Variants in ABL2 observed in about 807,000 individuals in gnomAD.
The protein encoded by ABL2 is tyrosine-protein kinase ABL2.
A neutral mutation model predicts 107.7 loss-of-function variants in ABL2; 49 were observed. That is an observed-to-expected ratio of 0.45 (90% CI 0.36 to 0.58). The LOEUF (loss-of-function observed/expected upper bound fraction) is 0.58, where lower values mean the gene tolerates loss of function less well. Ranked by LOEUF, ABL2 falls within the 20% of genes least tolerant of loss-of-function variation. The pLI, the probability that ABL2 is intolerant of heterozygous loss-of-function variation, is 0.00. For synonymous variants in ABL2, 549 were observed against 548.6 expected (o/e 1.00, Z -0.01); for missense variants, 1,245 against 1,457.0 (o/e 0.85, Z 2.37).
chr1:179,183,904 C>A, intron 1 of ABL2: 1 of 252,304 alleles, frequency 4.0e-6, no homozygotes. Context: ...ACCTCCTGTT[C>A]TGAGACTGGA....
Position 179,109,400 on chromosome 1 carries a change from G to A in ABL2, c.1867C>T (p.Leu623=). 6.2e-7 allele frequency: 1 copy of A among 1,614,054 alleles called. No individual in the cohort carries two copies. The highest frequency in any genetic ancestry group is 1.7e-5 in the Admixed American group (1 of 60,012). ...GAQASSGSPA[L]PRKQRDKSPS... ...GACTTGTCTCTTTGCTTTCGAGGCA[G>A]TGCTGGGGATCCACTAGAGGCCTGT... Residue 623 remains leucine, a synonymous_variant, in exon 12 of 12, where the codon CTG becomes TTG. Coordinates refer to ENST00000502732, the MANE Select transcript of ABL2 (RefSeq NM_007314.4).
chr1:179,204,176 G>A lies in ABL2; in HGVS notation c.157+25065C>T, dbSNP rs570645173. Among the ~76,000 whole-genome samples, 6 of 151,994 alleles carry A rather than the reference G, an allele frequency of 3.9e-5. No homozygotes were observed. The East Asian group carries it at 7.8e-4, about 20-fold the overall frequency. ...CGAGTAGCTGGGATTACAGGTGGGC[G>A]CCATCACGCCCAGCTAATTTTTGTA... On this transcript the variant is annotated intron_variant, in intron 1 of 11. Coordinates refer to ENST00000502732, the MANE Select transcript of ABL2 (RefSeq NM_007314.4).
rs1655781343 is a variant in ABL2, at chr1:179,126,975, A to G, written c.392-303T>C. On this transcript the variant is annotated intron_variant, in intron 3 of 11. Transcript: ENST00000502732. The surrounding 1 kb of genome is among the most constrained non-coding windows in gnomAD (Gnocchi z 4.4). ...TTAAGAAATTCTATGTATGCCAGACAGGTTACTAAAATGGCTGGAAAAGGA... is the reference window on the plus strand; with the variant it reads ...TTAAGAAATTCTATGTATGCCAGACGGGTTACTAAAATGGCTGGAAAAGGA... 6.6e-6 allele frequency among the ~76,000 whole-genome samples: 1 copy of G among 152,210 alleles called. No homozygotes were observed. The highest frequency in any genetic ancestry group is 2.4e-5 in the African/African-American group (1 of 41,446).
chr1:179,149,529 T>C (rs773068065), intron 1 of ABL2, among the ~76,000 whole-genome samples: 2 of 152,226 alleles, frequency 1.3e-5, no homozygotes, highest in African/African-American at 2.4e-5. Flanking sequence ...CATCTAGGAC[T>C]TTCATAGCTA....
chr1:179,182,385 T>A (rs1660429983), intron 1 of ABL2, among the ~76,000 whole-genome samples: 1 of 152,180 alleles, frequency 6.6e-6, no homozygotes, highest in Non-Finnish European at 1.5e-5. Flanking sequence ...ACTGTATTTC[T>A]CTAGTCCATT....
intron 6 of ABL2, among the ~76,000 whole-genome samples, chr1:179,119,824 G>A (rs890129756): frequency 6.6e-6 from 1 of 152,174 alleles, no homozygotes; most frequent in African/African-American, 2.4e-5. Context: ...GGGGCAATTA[G>A]TACAAACTGA....
rs1660873092 is a variant in ABL2 at position 179,189,436 on chromosome 1, G to C, written c.157+39805C>G. On this transcript the variant is annotated intron_variant, in intron 1 of 11. Transcript: ENST00000502732. ...GGCATGAGCCACCGCGCCCTGCCCT[G>C]TTCTAGGGTATTTTAATAAGACTCT... is the stretch of plus-strand genomic sequence containing the variant. 2.0e-5 allele frequency among the ~76,000 whole-genome samples: 3 copies of C among 151,996 alleles called. No homozygotes were observed. In the South Asian group the frequency reaches 6.2e-4, roughly 32 times the overall value.
At chr1:179,207,968 T>C (rs1012865093) in intron 1 of ABL2, among the ~76,000 whole-genome samples, 2 of 151,034 alleles carry the variant, frequency 1.3e-5, no homozygotes, top group Admixed American at 1.3e-4. Context: ...TTAAATATCC[T>C]TTTTTTTTGA....
chr1:179,121,994 C>G, intron 4 of ABL2, 127 bp from the exon 5 acceptor site: 1 of 909,630 alleles, frequency 1.1e-6, no homozygotes, highest in Non-Finnish European at 1.6e-6. Flanking sequence ...GGCGCGATCT[C>G]GGCTCACTGC....
chr1:179,129,798 C>A (rs1572658247), intron 3 of ABL2, among the ~76,000 whole-genome samples: 1 of 152,106 alleles, frequency 6.6e-6, no homozygotes, highest in East Asian at 1.9e-4. Flanking sequence ...ATCATCCTGT[C>A]CCCAAAACTA....
intron 1 of ABL2, among the ~76,000 whole-genome samples, chr1:179,141,375 T>C (rs1657575500): frequency 6.6e-6 from 1 of 152,088 alleles, no homozygotes; most frequent in African/African-American, 2.4e-5. Context: ...GACATGTTTA[T>C]AATAAGGGGA....
chr1:179,176,549 C>CATAAAA (rs1370389442), intron 1 of ABL2, among the ~76,000 whole-genome samples: 1 of 152,008 alleles, frequency 6.6e-6, no homozygotes, highest in Non-Finnish European at 1.5e-5. Context: ...TAACTATATG[C>CATAAAA]ATAAAAGGCT....
chr1:179,205,235 C>G (rs960906277), intron 1 of ABL2, among the ~76,000 whole-genome samples: 2 of 152,072 alleles, frequency 1.3e-5, no homozygotes, highest in African/African-American at 2.4e-5. Flanking sequence ...CCATGTTGGT[C>G]AGGCTGGTCT....
At position 179,104,892 on chromosome 1, in the gene ABL2, TTC is replaced by T. The variant is rs1653369919; in HGVS notation, c.*2824_*2825del. On this transcript the variant is annotated 3_prime_UTR_variant, in exon 12 of 12. Coordinates refer to ENST00000502732, the MANE Select transcript of ABL2 (RefSeq NM_007314.4). ...TTAAACTACACTTTTCCAGAAGCAG[TTC>T]TCTCTGCTTTGGATTCAAACCTTTT... 1 of 220,248 alleles carries T rather than the reference TTC, an allele frequency of 4.5e-6. No individual in the cohort carries two copies. Among genetic ancestry groups the T allele is most frequent in the Non-Finnish European group, 9.1e-6 (1 of 109,980 alleles). The allele number at this position is 220,248 out of a possible 1,614,324, so 13.6% of individuals were successfully genotyped here.
At chr1:179,135,616 C>T (rs868031607) in intron 1 of ABL2, among the ~76,000 whole-genome samples, 12 of 151,436 alleles carry the variant, frequency 7.9e-5, no homozygotes, top group Middle Eastern at 3.4e-3. Context: ...GTCAGCCCCC[C>T]ACCCGGCCAG....
intron 1 of ABL2, among the ~76,000 whole-genome samples, chr1:179,147,181 CA>C (rs58297805): frequency 2.9e-3 from 148 of 50,512 alleles, no homozygotes; most frequent in Admixed American, 6.1e-3. Context: ...CAGAGAAATG[CA>C]AAAAAAAAAA....
At position 179,100,430 on chromosome 1, in the gene ABL2, ATT is replaced by A. The variant is rs1653006266; in HGVS notation, c.*7286_*7287del. 1 of 226,828 alleles carries A rather than the reference ATT, an allele frequency of 4.4e-6. No individual in the cohort carries two copies. Among genetic ancestry groups the A allele is most frequent in the East Asian group, 6.4e-5 (1 of 15,610 alleles). 14.1% of individuals were successfully genotyped at this position (226,828 alleles called of 1,614,324 possible). ...TTCTGAAACAACAATAAATTTGCATATTCTTTTTATTGTGTCATAATTGCTGA... is the reference window on the plus strand; with the variant it reads ...TTCTGAAACAACAATAAATTTGCATACTTTTTATTGTGTCATAATTGCTGA... On this transcript the variant is annotated 3_prime_UTR_variant, in exon 12 of 12. Coordinates refer to ENST00000502732, the MANE Select transcript of ABL2 (RefSeq NM_007314.4).
At chr1:179,131,735 GCAC>G (rs1308693082) in intron 2 of ABL2, among the ~76,000 whole-genome samples, 1 of 152,160 alleles carries the variant, frequency 6.6e-6, no homozygotes, top group Non-Finnish European at 1.5e-5. Context: ...TGATTTATAT[GCAC>G]TCACCAAAAT....
Position 179,108,752 on chromosome 1 carries a change from C to T in ABL2, c.2515G>A (p.Glu839Lys), listed in dbSNP as rs2102577346. Residue 839 changes from glutamate (E) to lysine (K), a missense_variant, in exon 12 of 12, where the codon GAA (glutamate) becomes AAA (lysine). By Grantham distance (56) the Glu-to-Lys change is moderately conservative. Around this residue, in one of 3 missense-constraint regions of ABL2, gnomAD observed 761 missense variants for 766.4 expected, o/e 0.99. Coordinates refer to ENST00000502732, the MANE Select transcript of ABL2 (RefSeq NM_007314.4). ...CTCTCCCTGCTTGGAGCAGCACTTTCCTCTGATTTTTTTGGAAGCATGTCA... is the reference window on the plus strand; with the variant it reads ...CTCTCCCTGCTTGGAGCAGCACTTTTCTCTGATTTTTTTGGAAGCATGTCA... ...ANDMLPKKSE[E>K]SAAPSRERPK... is the part of the protein sequence containing the mutation. 6.2e-7 allele frequency: 1 copy of T among 1,614,182 alleles called. No homozygotes were observed. Among genetic ancestry groups the T allele is most frequent in the Non-Finnish European group, 8.5e-7 (1 of 1,180,030 alleles).
Sources: gnomAD v4.1 joint callset for allele counts (sites outside exome capture counted in the v4.1 genomes callset) on GRCh38, gnomAD v4.1.1 for gene constraint, gnomAD v4.1.1 regional missense constraint, Gnocchi (gnomAD v3.1) non-coding constraint, MANE v1.5 for transcripts, NCBI Gene and HGNC (gene_info 2026-07-23, HGNC 2026-07-21) for gene names.